The following ZNF782 variants were observed in gnomAD, a reference collection of about 807,000 sequenced individuals.
The protein encoded by ZNF782 is zinc finger protein 782.
A neutral mutation model predicts 13.0 loss-of-function variants in ZNF782; 12 were observed. The ratio of observed to expected loss-of-function variants is 0.92; its 90% CI spans 0.59 to 1.50. The LOEUF is 1.50. ZNF782 is among the 40% of genes most tolerant of loss of function. The probability of loss-of-function intolerance (pLI) is 0.00; values close to 1 mark genes in which losing one functional copy is unlikely to be tolerated. For missense variants in ZNF782, 770 were observed against 822.9 expected (o/e 0.94, Z 0.79); for synonymous variants, 284 against 283.0 (o/e 1.00, Z -0.04).
chr9:96,823,920 C>A (rs985958264), intron 5 of ZNF782, among the ~76,000 whole-genome samples: 5 of 152,090 alleles, frequency 3.3e-5, no homozygotes, highest in African/African-American at 1.2e-4. Context: ...CAATAGCTTA[C>A]CAACCAAAAA....
upstream of ZNF782, among the ~76,000 whole-genome samples, chr9:96,876,546 A>T (rs1389463522): frequency 1.3e-5 from 2 of 152,196 alleles, no homozygotes. Flanking sequence ...TAAGGTACAT[A>T]CAAATATGTC....
intron 3 of ZNF782, among the ~76,000 whole-genome samples, chr9:96,846,820 C>G (rs908212080): frequency 2.0e-5 from 3 of 152,136 alleles, no homozygotes; most frequent in Non-Finnish European, 4.4e-5. Flanking sequence ...TCGACTTAAA[C>G]AACACACTAG....
chr9:96,910,316 G>A, the ZNF782 span: 1 of 577,814 alleles, frequency 1.7e-6, no homozygotes, highest in Non-Finnish European at 3.3e-6. Context: ...TGAAGAGGAA[G>A]CTGAGTCTGC....
chr9:96,851,091 T>A lies in ZNF782; in HGVS notation c.15+856A>T, dbSNP rs571227039. ...GTATCTCATTTTATTTTTCTCTTGGTTTATACCTTGTCTCTCTGTACATCT... is the reference window on the plus strand; with the variant it reads ...GTATCTCATTTTATTTTTCTCTTGGATTATACCTTGTCTCTCTGTACATCT... On this transcript the variant is annotated intron_variant, in intron 3 of 5. Coordinates refer to ENST00000481138, the MANE Select transcript of ZNF782 (RefSeq NM_001001662.3). 3.9e-5 allele frequency among the ~76,000 whole-genome samples: 6 copies of A among 152,226 alleles called. 1 individual carries two copies. In the South Asian group the frequency reaches 1.2e-3, roughly 32 times the overall value.
intron 4 of ZNF782, among the ~76,000 whole-genome samples, chr9:96,843,533 G>T (rs1851251867): frequency 6.6e-6 from 1 of 152,164 alleles, no homozygotes; most frequent in African/African-American, 2.4e-5. Flanking sequence ...GAGACAGCAT[G>T]GGTGTGACTA....
intron 5 of ZNF782, among the ~76,000 whole-genome samples, chr9:96,820,018 G>C (rs894639014): frequency 5.3e-5 from 8 of 151,918 alleles, no homozygotes; most frequent in Non-Finnish European, 2.9e-5. Flanking sequence ...TCTTAAAATA[G>C]AATTTTCAAA....
the ZNF782 span, among the ~76,000 whole-genome samples, chr9:96,927,105 G>T: frequency 6.6e-6 from 1 of 152,238 alleles, no homozygotes; most frequent in Admixed American, 6.5e-5. Context: ...AAATGAGAAT[G>T]AAGATTTTTT....
upstream of ZNF782, among the ~76,000 whole-genome samples, chr9:96,875,881 A>C (rs1171796297): frequency 1.3e-5 from 2 of 152,206 alleles, no homozygotes; most frequent in Admixed American, 1.3e-4. Flanking sequence ...GCAGCGAGCT[A>C]AGCTTGCACA....
chr9:96,861,795 C>G (rs1002762200), intron 1 of ZNF782, among the ~76,000 whole-genome samples: 1 of 152,108 alleles, frequency 6.6e-6, no homozygotes. Context: ...GAAGAGGTAA[C>G]CATCGTACAC....
At chr9:96,879,357 G>T (rs1342863875), upstream of ZNF782, among the ~76,000 whole-genome samples, 2 of 152,152 alleles carry the variant, frequency 1.3e-5, no homozygotes, top group Non-Finnish European at 2.9e-5. Flanking sequence ...CAAAAAATTA[G>T]CCGTGCCTGG....
chr9:96,923,974 TA>T, the ZNF782 span, among the ~76,000 whole-genome samples: 1 of 151,742 alleles, frequency 6.6e-6, no homozygotes, highest in Non-Finnish European at 1.5e-5. Context: ...TAGCTGGGAC[TA>T]CAAGTGCATG....
chr9:96,909,877 C>T, the ZNF782 span, among the ~76,000 whole-genome samples: 8 of 151,598 alleles, frequency 5.3e-5, no homozygotes, highest in East Asian at 1.4e-3. Flanking sequence ...AGGGAGAAAA[C>T]AGTGCTAATG....
the ZNF782 span, among the ~76,000 whole-genome samples, chr9:96,909,920 T>A: frequency 6.6e-6 from 1 of 151,012 alleles, no homozygotes; most frequent in Non-Finnish European, 1.5e-5. Flanking sequence ...AGATCCCGAT[T>A]GGCTGCTCTG....
the ZNF782 span, among the ~76,000 whole-genome samples, chr9:96,909,034 GC>G: frequency 4.8e-5 from 3 of 63,026 alleles, no homozygotes; most frequent in Admixed American, 4.5e-4. Flanking sequence ...TCATTCGGCT[GC>G]CCTACAGTTA....
the ZNF782 span, among the ~76,000 whole-genome samples, chr9:96,885,083 T>C: frequency 6.6e-6 from 1 of 151,752 alleles, no homozygotes; most frequent in Non-Finnish European, 1.5e-5. Flanking sequence ...CACAGTCTCA[T>C]AATATAGAAA....
the ZNF782 span, among the ~76,000 whole-genome samples, chr9:96,915,378 C>A: frequency 2.0e-5 from 3 of 151,394 alleles, no homozygotes; most frequent in South Asian, 4.2e-4. Flanking sequence ...TGTTTTTTTG[C>A]ATTTCAAAAA....
chr9:96,864,127 T>C (rs1390224583), intron 1 of ZNF782, among the ~76,000 whole-genome samples: 1 of 148,542 alleles, frequency 6.7e-6, no homozygotes, highest in Non-Finnish European at 1.5e-5. Flanking sequence ...TATATATATA[T>C]ATTTTATATA....
chr9:96,916,197 A>G, the ZNF782 span, among the ~76,000 whole-genome samples: 1 of 152,002 alleles, frequency 6.6e-6, no homozygotes, highest in South Asian at 2.1e-4. Context: ...TCTTGTCCCA[A>G]GAACTCCTTT....
the ZNF782 span, among the ~76,000 whole-genome samples, chr9:96,901,155 G>A: frequency 6.7e-5 from 10 of 150,202 alleles, no homozygotes; most frequent in South Asian, 6.3e-4. Context: ...GCAAGACTCC[G>A]TCTCGGGGTG....
Sources: gnomAD v4.1 joint callset for allele counts (sites outside exome capture counted in the v4.1 genomes callset) on GRCh38, gnomAD v4.1.1 for gene constraint, MANE v1.5 for transcripts, NCBI Gene and HGNC (gene_info 2026-07-23, HGNC 2026-07-21) for gene names.